Variants in CHN2 observed in about 807,000 individuals in gnomAD.
The protein encoded by CHN2 is chimerin 2.
CHN2 carries 35 observed loss-of-function variants against 56.3 expected under a neutral mutation model. That is an observed-to-expected ratio of 0.62 (90% CI 0.47 to 0.82). The LOEUF is 0.82. Ranked by LOEUF, CHN2 falls within the 40% of genes least tolerant of loss-of-function variation. The probability of loss-of-function intolerance (pLI) is 0.00; values close to 1 mark genes in which losing one functional copy is unlikely to be tolerated. For synonymous variants in CHN2, 210 were observed against 212.8 expected, an observed-to-expected ratio of 0.99 and a Z score of 0.12; for missense variants, 491 against 580.5, an observed-to-expected ratio of 0.85 and a Z score of 1.58.
intron 6 of CHN2, among the ~76,000 whole-genome samples, chr7:29,458,649 A>G (rs924765393): frequency 6.6e-6 from 1 of 152,158 alleles, no homozygotes; most frequent in Non-Finnish European, 1.5e-5. Flanking sequence ...GCCCAAATAT[A>G]TCAGATTACT....
chr7:29,226,566 A>G (rs1315848232), intron 1 of CHN2, among the ~76,000 whole-genome samples: 2 of 152,260 alleles, frequency 1.3e-5, no homozygotes, highest in Admixed American at 6.5e-5. Context: ...GAGCATGGCT[A>G]AAATGTCATA....
At chr7:29,399,561 C>T (rs1269538856) in intron 5 of CHN2, among the ~76,000 whole-genome samples, 1 of 152,150 alleles carries the variant, frequency 6.6e-6, no homozygotes. Flanking sequence ...CTATACATTT[C>T]GGGGAAGGTA....
At chr7:29,156,700 A>G (rs1430406820) in intron 2 of CHN2, among the ~76,000 whole-genome samples, 1 of 152,230 alleles carries the variant, frequency 6.6e-6, no homozygotes, top group African/African-American at 2.4e-5. Context: ...TTATGTTAGT[A>G]TGAAAGCGAC....
chr7:29,457,137 G>C lies in CHN2; in HGVS notation c.577-23142G>C, dbSNP rs111272451. On this transcript the variant is annotated intron_variant, in intron 6 of 12. Transcript: ENST00000222792. ...GCGATGGCCTGCAGCTCGGGAACGTGAGGCCCCCAACAAAGTGACCACAAC... is the reference window on the plus strand; with the variant it reads ...GCGATGGCCTGCAGCTCGGGAACGTCAGGCCCCCAACAAAGTGACCACAAC... Among the ~76,000 whole-genome samples the C allele has an allele frequency of 6.6e-3, 1,005 of 152,270 alleles. 15 individuals are homozygous for C. The highest frequency in any genetic ancestry group is 0.023 in the African/African-American group (951 of 41,528).
chr7:29,291,558 A>G (rs1441674903), intron 1 of CHN2, among the ~76,000 whole-genome samples: 2 of 152,172 alleles, frequency 1.3e-5, no homozygotes, highest in Non-Finnish European at 2.9e-5. Context: ...CATATTTCAT[A>G]TCTTTAAGTA....
At chr7:29,473,586 C>T (rs925794548) in intron 6 of CHN2, among the ~76,000 whole-genome samples, 13 of 151,100 alleles carry the variant, frequency 8.6e-5, no homozygotes, top group Non-Finnish European at 1.5e-4. Context: ...GGCCCCGAGA[C>T]GAGCAACATC....
intron 6 of CHN2, among the ~76,000 whole-genome samples, chr7:29,406,409 G>A (rs1024785133): frequency 1.3e-5 from 2 of 152,122 alleles, no homozygotes; most frequent in Non-Finnish European, 2.9e-5. Flanking sequence ...TTGGTTGAGG[G>A]GTACCTGTGA....
intron 2 of CHN2, among the ~76,000 whole-genome samples, chr7:29,181,652 T>C (rs920335896): frequency 6.6e-6 from 1 of 152,216 alleles, no homozygotes; most frequent in Non-Finnish European, 1.5e-5. Context: ...AGTAGCTTTA[T>C]TATGGCCTCC....
chr7:29,248,099 C>T (rs896680690), intron 1 of CHN2, among the ~76,000 whole-genome samples: 10 of 152,246 alleles, frequency 6.6e-5, no homozygotes, highest in Middle Eastern at 3.4e-3. Flanking sequence ...TCCCTTGCAG[C>T]GAAGCACAGA....
At chr7:29,316,140 T>C (rs543156159) in intron 1 of CHN2, among the ~76,000 whole-genome samples, 1 of 152,300 alleles carries the variant, frequency 6.6e-6, no homozygotes, top group East Asian at 1.9e-4. Flanking sequence ...AGCTCTAAAG[T>C]TGTGTGAGCA....
At chr7:29,295,071 A>G (rs1793010835) in intron 1 of CHN2, among the ~76,000 whole-genome samples, 1 of 152,174 alleles carries the variant, frequency 6.6e-6, no homozygotes, top group African/African-American at 2.4e-5. Flanking sequence ...ACCTACACAC[A>G]TTTTCCCATA....
chr7:29,406,687 T>C (rs997818806), intron 6 of CHN2, among the ~76,000 whole-genome samples: 3 of 152,160 alleles, frequency 2.0e-5, no homozygotes, highest in African/African-American at 7.2e-5. Context: ...CAACATCAGC[T>C]GGGAGGCTGG....
chr7:29,468,107 G>A (rs1585500013), intron 6 of CHN2, among the ~76,000 whole-genome samples: 1 of 131,614 alleles, frequency 7.6e-6, no homozygotes, highest in Admixed American at 8.5e-5. Flanking sequence ...CCAATGGGCC[G>A]CCATGACATC....
intron 7 of CHN2, among the ~76,000 whole-genome samples, chr7:29,481,727 GT>G (rs1304611821): frequency 7.1e-6 from 1 of 141,830 alleles, no homozygotes; most frequent in Non-Finnish European, 1.5e-5. Flanking sequence ...TTAAGAAAGT[GT>G]TTTTTTGATT....
intron 1 of CHN2, among the ~76,000 whole-genome samples, chr7:29,323,149 G>A (rs894807220): frequency 1.3e-5 from 2 of 149,688 alleles, no homozygotes; most frequent in South Asian, 2.1e-4. Context: ...GTGAGAATCC[G>A]TCCCCCCCGT....
At chr7:29,477,209 T>G (rs1353025319) in intron 6 of CHN2, among the ~76,000 whole-genome samples, 2 of 152,208 alleles carry the variant, frequency 1.3e-5, no homozygotes, top group East Asian at 3.9e-4. Flanking sequence ...CTAACACTTC[T>G]AGTCCCCTGT....
intron 12 of CHN2, among the ~76,000 whole-genome samples, chr7:29,510,680 A>G (rs1200540160): frequency 6.6e-6 from 1 of 152,160 alleles, no homozygotes; most frequent in Admixed American, 6.5e-5. Flanking sequence ...CCAATATGAG[A>G]GACAGTCTTT....
At chr7:29,262,083 G>A (rs544710938) in intron 1 of CHN2, among the ~76,000 whole-genome samples, 20 of 152,112 alleles carry the variant, frequency 1.3e-4, no homozygotes, top group Non-Finnish European at 2.4e-4. Context: ...CAGGAGAATC[G>A]CTTGAATCTG....
intron 10 of CHN2, among the ~76,000 whole-genome samples, chr7:29,505,074 G>C (rs1790419754): frequency 6.6e-6 from 1 of 152,150 alleles, no homozygotes; most frequent in Non-Finnish European, 1.5e-5. Context: ...TGCATCCCCT[G>C]TCTCAGAATC....
Sources: gnomAD v4.1 joint callset for allele counts (sites outside exome capture counted in the v4.1 genomes callset) on GRCh38, gnomAD v4.1.1 for gene constraint, MANE v1.5 for transcripts, NCBI Gene and HGNC (gene_info 2026-07-23, HGNC 2026-07-21) for gene names.